Variants in NAV1 observed in about 807,000 individuals in gnomAD.
The protein encoded by NAV1 is neuron navigator 1.
NAV1 carries 18 observed loss-of-function variants against 175.2 expected under a neutral mutation model. The ratio of observed to expected loss-of-function variants is 0.10; its 90% CI spans 0.07 to 0.15. The LOEUF is 0.15. Ranked by LOEUF, NAV1 falls within the 10% of genes least tolerant of loss-of-function variation. The pLI, the probability that NAV1 is intolerant of heterozygous loss-of-function variation, is 1.00. For synonymous variants in NAV1, 897 were observed against 978.7 expected (o/e 0.92, Z 1.56); for missense variants, 1,731 against 2,436.6 (o/e 0.71, Z 6.10).
chr1:201,599,558 T>C (rs890832531), intron 2 of NAV1, among the ~76,000 whole-genome samples: 1 of 151,980 alleles, frequency 6.6e-6, no homozygotes, highest in Non-Finnish European at 1.5e-5. Flanking sequence ...CAGTTCAGAG[T>C]CTGTGGCAGG....
At chr1:201,743,707 G>A (rs2102566081) in intron 3 of NAV1, among the ~76,000 whole-genome samples, 1 of 152,098 alleles carries the variant, frequency 6.6e-6, no homozygotes, top group East Asian at 1.9e-4. Flanking sequence ...ATGCCTATGA[G>A]TATAATACAT....
chr1:201,551,272 A>G (rs897128536), intron 1 of NAV1, among the ~76,000 whole-genome samples: 2 of 151,906 alleles, frequency 1.3e-5, no homozygotes, highest in African/African-American at 4.8e-5. Flanking sequence ...TTTTTTGCCC[A>G]GGCTAGAGTG....
intron 28 of NAV1, among the ~76,000 whole-genome samples, chr1:201,816,674 CTT>C (rs35468878): frequency 5.8e-5 from 6 of 102,844 alleles, no homozygotes; most frequent in African/African-American, 2.3e-4. Flanking sequence ...AGGAAGTGCA[CTT>C]TTTTTTTTTT....
intron 3 of NAV1, among the ~76,000 whole-genome samples, chr1:201,722,571 A>G (rs527786050): frequency 2.6e-5 from 4 of 152,190 alleles, no homozygotes; most frequent in Non-Finnish European, 5.9e-5. Context: ...TTAGTGTCCA[A>G]ATATTATTCA....
At chr1:201,754,042 G>T (rs1558128591) in intron 3 of NAV1, among the ~76,000 whole-genome samples, 1 of 151,962 alleles carries the variant, frequency 6.6e-6, no homozygotes, top group African/African-American at 2.4e-5. Flanking sequence ...CTTAGCAAGT[G>T]TTTTTTTTCC....
chr1:201,719,826 A>G (rs1672297167), intron 3 of NAV1, among the ~76,000 whole-genome samples: 1 of 151,826 alleles, frequency 6.6e-6, no homozygotes, highest in South Asian at 2.1e-4. Context: ...GCCTCTCCCC[A>G]ATAAAAATCC....
rs1676381040 is a variant in NAV1, at chr1:201,782,338, A to G, written c.1826A>G (p.Lys609Arg). Residue 609 changes from lysine (K) to arginine (R), a missense_variant, in exon 6 of 30, where the codon AAG (lysine) becomes AGG (arginine). Physicochemically the swap from Lys to Arg is conservative, Grantham distance 26 (BLOSUM62 2). This residue lies in a region of NAV1 where 634 missense variants were observed against 766.8 expected (regional missense o/e 0.83). Coordinates refer to ENST00000367296, the Ensembl canonical transcript of NAV1. The surrounding 1 kb of genome is among the most constrained non-coding windows in gnomAD (Gnocchi z 5.4). ...ACTTCGGGATCCTTTGGCTACAAGA[A>G]GCCTCCTCCTGCCACAGGCACAGCC... 1 of 1,614,146 alleles carries G rather than the reference A, an allele frequency of 6.2e-7. No individual in the cohort carries two copies.
intron 1 of NAV1, among the ~76,000 whole-genome samples, chr1:201,669,295 A>T (rs566089011): frequency 3.7e-4 from 57 of 152,354 alleles, no homozygotes; most frequent in African/African-American, 1.2e-3. Context: ...GATTTGGATT[A>T]GAGAGGCTGG....
intron 1 of NAV1, among the ~76,000 whole-genome samples, chr1:201,688,084 T>C (rs1206946956): frequency 2.0e-5 from 3 of 152,266 alleles, no homozygotes; most frequent in African/African-American, 2.4e-5. Flanking sequence ...ATTCTTTGGC[T>C]GTGCACTCAG....
intron 1 of NAV1, among the ~76,000 whole-genome samples, chr1:201,650,029 G>T (rs993542188): frequency 6.6e-6 from 1 of 152,220 alleles, no homozygotes; most frequent in East Asian, 1.9e-4. Flanking sequence ...GCATCTGGGC[G>T]CATGTCCGAT....
intron 1 of NAV1, among the ~76,000 whole-genome samples, chr1:201,559,750 C>T (rs1666141850): frequency 6.6e-6 from 1 of 152,162 alleles, no homozygotes; most frequent in African/African-American, 2.4e-5. Flanking sequence ...TTAATAAAGG[C>T]GGTGTAGAGG....
exon 30 of NAV1, chr1:201,820,906 G>C (rs1315961935): frequency 6.6e-6 from 1 of 151,350 alleles, no homozygotes; most frequent in East Asian, 1.9e-4. Flanking sequence ...GCTTTTCCAA[G>C]TGGGTTTTCT....
intron 2 of NAV1, among the ~76,000 whole-genome samples, chr1:201,602,666 G>GT (rs141386046): frequency 0.16 from 14,410 of 92,392 alleles, 1,038 homozygotes; most frequent in East Asian, 0.46. Flanking sequence ...TTTTTTTTTT[G>GT]GTTTTTTTTT....
At chr1:201,766,816 T>C (rs934779469) in intron 3 of NAV1, among the ~76,000 whole-genome samples, 2 of 152,064 alleles carry the variant, frequency 1.3e-5, no homozygotes, top group Admixed American at 6.6e-5. Context: ...CACATACTTT[T>C]TTTGTTTTTT....
exon 1 of NAV1, chr1:201,623,039 G>C (rs898951204): frequency 1.0e-5 from 10 of 985,964 alleles, no homozygotes; most frequent in African/African-American, 5.2e-5. Flanking sequence ...AGCCCACAGA[G>C]AGCAGCCTCC....
intron 1 of NAV1, among the ~76,000 whole-genome samples, chr1:201,667,562 A>G (rs939605976): frequency 6.6e-6 from 1 of 152,094 alleles, no homozygotes; most frequent in Admixed American, 6.5e-5. Flanking sequence ...CTATCCTGTG[A>G]TTCTTCTTGG....
intron 1 of NAV1, among the ~76,000 whole-genome samples, chr1:201,625,321 C>T (rs1277920478): frequency 6.6e-6 from 1 of 152,230 alleles, no homozygotes; most frequent in African/African-American, 2.4e-5. Flanking sequence ...AGACCTGACT[C>T]ATCACCATGG....
intron 8 of NAV1, 39 bp downstream of exon 12, chr1:201,785,390 A>G: frequency 6.3e-7 from 1 of 1,589,240 alleles, no homozygotes; most frequent in Admixed American, 1.8e-5. Context: ...TATAAATGGG[A>G]CTGCTGGTAT....
intron 2 of NAV1, among the ~76,000 whole-genome samples, chr1:201,591,265 G>A (rs529113734): frequency 6.6e-6 from 1 of 152,290 alleles, no homozygotes; most frequent in Admixed American, 6.5e-5. Context: ...CTTAATGTGC[G>A]ATGGGGTCAC....
Sources: gnomAD v4.1 joint callset for allele counts (sites outside exome capture counted in the v4.1 genomes callset) on GRCh38, gnomAD v4.1.1 for gene constraint, gnomAD v4.1.1 regional missense constraint, Gnocchi (gnomAD v3.1) non-coding constraint, MANE v1.5 for transcripts, NCBI Gene and HGNC (gene_info 2026-07-23, HGNC 2026-07-21) for gene names.